IL1RAPL2: variants seen among roughly 807,000 people sequenced by gnomAD.
IL1RAPL2 encodes the protein X-linked interleukin-1 receptor accessory protein-like 2.
Under a neutral mutation model 44.1 loss-of-function variants are expected in IL1RAPL2, and 3 were observed. The observed-to-expected ratio is 0.07, with a 90% CI of 0.03 to 0.18. The LOEUF (loss-of-function observed/expected upper bound fraction) is 0.18. IL1RAPL2 is among the 10% of genes least tolerant of loss of function. The pLI is 1.00. For missense variants in IL1RAPL2, 391 were observed against 496.4 expected (o/e 0.79, Z 2.02); for synonymous variants, 181 against 178.8 (o/e 1.01, Z -0.10).
At chrX:105,308,256 T>A (rs1279175193) in intron 5 of IL1RAPL2, among the ~76,000 whole-genome samples, 2 of 111,973 alleles carry the variant, frequency 1.8e-5, no homozygotes, top group East Asian at 2.8e-4. Flanking sequence ...TGTTTAAGAC[T>A]AAAATATGCA....
chrX:105,128,078 CT>C (rs2032991654), intron 2 of IL1RAPL2, among the ~76,000 whole-genome samples: 1 of 110,662 alleles, frequency 9.0e-6, no homozygotes. Flanking sequence ...CTATCTATCT[CT>C]AATTCCTTCT....
At chrX:104,891,025 A>T (rs1923420206) in intron 2 of IL1RAPL2, among the ~76,000 whole-genome samples, 1 of 112,095 alleles carries the variant, frequency 8.9e-6, no homozygotes, top group Non-Finnish European at 1.9e-5. Flanking sequence ...ATGGCTAACC[A>T]GTTTTCCCAG....
chrX:104,999,712 C>T (rs2030817537), intron 2 of IL1RAPL2, among the ~76,000 whole-genome samples: 1 of 111,415 alleles, frequency 9.0e-6, no homozygotes, highest in South Asian at 3.8e-4. Flanking sequence ...CCTTTTTCTA[C>T]ACAGTGGTAT....
At chrX:104,883,833 C>G (rs967237083) in intron 2 of IL1RAPL2, among the ~76,000 whole-genome samples, 1 of 111,609 alleles carries the variant, frequency 9.0e-6, no homozygotes, top group Non-Finnish European at 1.9e-5. Flanking sequence ...AAAAGCTATT[C>G]CTGAAGCTAG....
intron 2 of IL1RAPL2, among the ~76,000 whole-genome samples, chrX:104,845,108 T>A (rs966910400): frequency 8.9e-6 from 1 of 112,078 alleles, no homozygotes; most frequent in African/African-American, 3.2e-5. Flanking sequence ...CTTATCTGTG[T>A]TGAGATGGAG....
chrX:105,333,062 A>G (rs2034999574), intron 5 of IL1RAPL2, among the ~76,000 whole-genome samples: 2 of 111,803 alleles, frequency 1.8e-5, no homozygotes, highest in Admixed American at 1.9e-4. Context: ...ATCCAAAGCT[A>G]TCTTAAGCAA....
At position 104,608,707 on chromosome X, in the gene IL1RAPL2, C is replaced by A. The variant is rs780134765; in HGVS notation, c.-20+41656C>A. ...TTTGCTTTCCATTTACTTGGTAGAT[C>A]TTCCCTCCATCCCTTTATTTTGAGC... On this transcript the variant is annotated intron_variant, in intron 1 of 10. Coordinates refer to ENST00000372582, the MANE Select transcript of IL1RAPL2 (RefSeq NM_017416.2). Among the ~76,000 whole-genome samples the A allele has an allele frequency of 4.2e-3, 309 of 73,913 alleles. 3 individuals carry two copies. The highest frequency in any genetic ancestry group is 0.017 in the African/African-American group (306 of 18,114). 64.2% of individuals were successfully genotyped at this position (73,913 alleles called of 115,157 possible).
chrX:105,301,858 A>T (rs1415047376), intron 5 of IL1RAPL2, among the ~76,000 whole-genome samples: 1 of 112,166 alleles, frequency 8.9e-6, no homozygotes, highest in East Asian at 2.8e-4. Flanking sequence ...TATTTTCCAT[A>T]AACAGATTTC....
chrX:105,476,455 A>G (rs2036198055), intron 5 of IL1RAPL2, among the ~76,000 whole-genome samples: 2 of 112,048 alleles, frequency 1.8e-5, no homozygotes, highest in Admixed American at 1.9e-4. Context: ...TGGAGCCATC[A>G]GTGATTTGAA....
intron 9 of IL1RAPL2, 64 bp from the exon 10 acceptor site, chrX:105,755,113 C>A: frequency 1.4e-6 from 1 of 696,922 alleles, no homozygotes; most frequent in Non-Finnish European, 2.1e-6. Context: ...GCTATTCCTG[C>A]CTCTTAGTAC....
chrX:105,745,605 C>T (rs1468444426), intron 8 of IL1RAPL2, among the ~76,000 whole-genome samples: 3 of 111,924 alleles, frequency 2.7e-5, no homozygotes, highest in African/African-American at 6.5e-5. Context: ...CCTCAGGCAT[C>T]TCTTATAACA....
intron 2 of IL1RAPL2, among the ~76,000 whole-genome samples, chrX:104,824,983 G>A (rs1465153141): frequency 9.0e-6 from 1 of 111,239 alleles, no homozygotes; most frequent in African/African-American, 3.3e-5. Flanking sequence ...TGCTTAAATG[G>A]GGAGGATAAT....
chrX:105,291,813 T>TA (rs1338467555), intron 5 of IL1RAPL2, among the ~76,000 whole-genome samples: 51 of 111,773 alleles, frequency 4.6e-4, no homozygotes, highest in African/African-American at 1.6e-3. Flanking sequence ...GCTATTTTCC[T>TA]AATAATACAG....
chrX:104,897,493 A>C (rs1168617175), intron 2 of IL1RAPL2, among the ~76,000 whole-genome samples: 1 of 112,141 alleles, frequency 8.9e-6, no homozygotes, highest in Admixed American at 9.5e-5. Flanking sequence ...TTCATATTCT[A>C]CTGGTCAAAA....
chrX:105,043,237 A>G (rs771018749), intron 2 of IL1RAPL2, among the ~76,000 whole-genome samples: 81 of 110,439 alleles, frequency 7.3e-4, no homozygotes, highest in African/African-American at 2.6e-3. Flanking sequence ...ATAATAATAT[A>G]AAAAAAGAAA....
At chrX:105,666,856 A>G (rs2037774734) in intron 6 of IL1RAPL2, among the ~76,000 whole-genome samples, 1 of 111,614 alleles carries the variant, frequency 9.0e-6, no homozygotes, top group Admixed American at 9.5e-5. Flanking sequence ...TTTCTGGGAT[A>G]GGAATCTTGG....
At chrX:105,685,549 A>G (rs2037963946) in intron 6 of IL1RAPL2, among the ~76,000 whole-genome samples, 3 of 112,033 alleles carry the variant, frequency 2.7e-5, no homozygotes, top group Non-Finnish European at 5.6e-5. Context: ...ATATGGATCT[A>G]TGTGAAGAGA....
intron 4 of IL1RAPL2, among the ~76,000 whole-genome samples, chrX:105,235,970 G>A (rs1569410641): frequency 8.9e-6 from 1 of 112,248 alleles, no homozygotes; most frequent in Non-Finnish European, 1.9e-5. Context: ...ACCCTCTCCG[G>A]CAATGGGCCT....
chrX:105,254,200 C>T (rs1338125972), intron 4 of IL1RAPL2, among the ~76,000 whole-genome samples: 1 of 111,981 alleles, frequency 8.9e-6, no homozygotes, highest in East Asian at 2.8e-4. Flanking sequence ...TTCTCCACAA[C>T]CTCACCAGCA....
Sources: gnomAD v4.1 joint callset for allele counts (sites outside exome capture counted in the v4.1 genomes callset) on GRCh38, gnomAD v4.1.1 for gene constraint, MANE v1.5 for transcripts, NCBI Gene and HGNC (gene_info 2026-07-23, HGNC 2026-07-21) for gene names.